Variants in GALNT11 observed in about 807,000 individuals in gnomAD.
GALNT11 encodes UDP-GalNAc:polypeptide N-acetylgalactosaminyltransferase 11.
In GALNT11, 47 loss-of-function variants were observed where a neutral mutation model predicts 72.7. That is an observed-to-expected ratio of 0.65 (90% CI 0.51 to 0.82). GALNT11 has a LOEUF of 0.82. Among genes scored for constraint, GALNT11 ranks in the 40% least tolerant of loss-of-function variants. GALNT11 has a pLI of 0.00. For missense variants in GALNT11, 677 were observed against 778.4 expected (o/e 0.87, Z 1.55); for synonymous variants, 270 against 286.6 (o/e 0.94, Z 0.58).
At chr7:152,091,963 G>C (rs1283190429) in intron 1 of GALNT11, among the ~76,000 whole-genome samples, 1 of 152,204 alleles carries the variant, frequency 6.6e-6, no homozygotes, top group African/African-American at 2.4e-5. Context: ...TTTTGTGAGG[G>C]CCAAGCAGCC....
intron 4 of GALNT11, 165 bp downstream of exon 4, chr7:152,103,443 T>G (rs2087180866): frequency 1.5e-6 from 1 of 649,260 alleles, no homozygotes; most frequent in Non-Finnish European, 2.4e-6. Context: ...CCATTATCTT[T>G]GTAACCTGCT....
intron 1 of GALNT11, among the ~76,000 whole-genome samples, chr7:152,083,717 GA>G (rs539263641): frequency 6.7e-6 from 1 of 150,270 alleles, no homozygotes; most frequent in Admixed American, 6.6e-5. Context: ...TCTAGCTCCA[GA>G]AAAAAAAACC....
intron 1 of GALNT11, among the ~76,000 whole-genome samples, chr7:152,041,488 ATAAGGAGTTAGAGTCCATGAAT>A (rs1361825590): frequency 4.6e-5 from 7 of 152,226 alleles, no homozygotes; most frequent in Non-Finnish European, 5.9e-5. Context: ...CTTGATCCAA[ATAAGGAGTTAGAGTCCATGAAT>A]TAGCATGTGG....
intron 1 of GALNT11, among the ~76,000 whole-genome samples, chr7:152,039,465 C>T (rs1025492311): frequency 8.6e-5 from 13 of 151,954 alleles, no homozygotes; most frequent in African/African-American, 3.1e-4. Context: ...CTGTGTCAGC[C>T]CTTGTTGAAG....
chr7:152,058,983 C>CATCTGTG (rs150780217), intron 1 of GALNT11, among the ~76,000 whole-genome samples: 7,348 of 152,224 alleles, frequency 0.048, 599 homozygotes, highest in African/African-American at 0.17. Flanking sequence ...ACCTGTCGGT[C>CATCTGTG]AAGGTTGGAA....
intron 1 of GALNT11, among the ~76,000 whole-genome samples, chr7:152,026,346 G>A (rs991413691): frequency 6.6e-6 from 1 of 152,354 alleles, no homozygotes; most frequent in African/African-American, 2.4e-5. Flanking sequence ...CAAGCTGGGA[G>A]CTGCGTCAGG....
chr7:152,111,039 A>G (rs2088132036), intron 7 of GALNT11, among the ~76,000 whole-genome samples: 1 of 152,200 alleles, frequency 6.6e-6, no homozygotes, highest in African/African-American at 2.4e-5. Context: ...CTACTTTGTC[A>G]GAATCTGTGA....
At position 152,051,353 on chromosome 7, in the gene GALNT11, T is replaced by G. The variant is rs190928386; in HGVS notation, c.-39+25469T>G. 1.3e-4 allele frequency among the ~76,000 whole-genome samples: 20 copies of G among 152,142 alleles called. No individual in the cohort carries two copies. The East Asian group carries it at 3.7e-3, about 28-fold the overall frequency. Reference sequence around the variant, plus strand: ...AATTGGGTTATTTGTCTTGTACAACTTCATATATTTTTAAAATGAATGCTG... The same window carrying G: ...AATTGGGTTATTTGTCTTGTACAACGTCATATATTTTTAAAATGAATGCTG... On this transcript the variant is annotated intron_variant, in intron 1 of 11. Transcript: ENST00000430044.
At chr7:152,107,149 G>A (rs2087652192) in intron 5 of GALNT11, 1 of 151,942 alleles carries the variant, frequency 6.6e-6, no homozygotes, top group South Asian at 2.1e-4. Context: ...TACATTTCAC[G>A]AGTGCACTTT....
chr7:152,028,486 T>G (rs2082147347), intron 1 of GALNT11, among the ~76,000 whole-genome samples: 1 of 152,174 alleles, frequency 6.6e-6, no homozygotes, highest in Non-Finnish European at 1.5e-5. Flanking sequence ...TTGGTGCATT[T>G]ACAATCCTTT....
At chr7:152,116,827 T>TG (rs2088907081) in intron 8 of GALNT11, 1 of 473,456 alleles carries the variant, frequency 2.1e-6, no homozygotes, top group Non-Finnish European at 4.1e-6. Context: ...GTGTTTGTAA[T>TG]GAGTATTTAA....
chr7:152,050,916 T>C (rs976798999), intron 1 of GALNT11, among the ~76,000 whole-genome samples: 1 of 152,132 alleles, frequency 6.6e-6, no homozygotes. Flanking sequence ...TGAGTTCCGA[T>C]GTGAAAGCCC....
rs1334916581 is a variant in GALNT11 at position 152,094,164 on chromosome 7, C to CT, written c.-38-25dup. ...GATGGTTTAAAGTATACTGAAGTGT[C>CT]TAACATATTTATTCTTCTTTTTTAG... is the stretch of plus-strand genomic sequence containing the variant. On this transcript the variant is annotated intron_variant, in intron 1 of 11. Coordinates refer to ENST00000430044, the MANE Select transcript of GALNT11 (RefSeq NM_022087.4). The surrounding 1 kb of genome is among the most constrained non-coding windows in gnomAD (Gnocchi z 4.3). 18 of 1,512,564 alleles carry CT rather than the reference C, an allele frequency of 1.2e-5. No homozygotes were observed. Among genetic ancestry groups the CT allele is most frequent in the Non-Finnish European group, 1.5e-5 (17 of 1,126,672 alleles). The allele number at this position is 1,512,564 out of a possible 1,614,324, so 93.7% of individuals were successfully genotyped here.
chr7:152,063,547 GTA>G (rs1169961517), intron 1 of GALNT11, among the ~76,000 whole-genome samples: 3 of 152,076 alleles, frequency 2.0e-5, no homozygotes, highest in Admixed American at 6.6e-5. Context: ...TCTTTTAATT[GTA>G]TGTTAGGGTG....
chr7:152,105,401 G>A (rs1182814524), intron 5 of GALNT11, 31 bp downstream of exon 5: 1 of 1,599,230 alleles, frequency 6.3e-7, no homozygotes, highest in African/African-American at 1.3e-5. Context: ...TGCTCTACAG[G>A]TGTTGGATGA....
intron 1 of GALNT11, among the ~76,000 whole-genome samples, chr7:152,042,615 G>C (rs2082920515): frequency 6.6e-6 from 1 of 152,136 alleles, no homozygotes; most frequent in South Asian, 2.1e-4. Flanking sequence ...ACTTGAAGCG[G>C]TTCCTTCAAA....
chr7:152,053,901 C>G (rs1443698441), intron 1 of GALNT11, among the ~76,000 whole-genome samples: 14 of 152,172 alleles, frequency 9.2e-5, no homozygotes, highest in Admixed American at 8.5e-4. Context: ...AACTACTATA[C>G]TTTGAATGTA....
intron 1 of GALNT11, among the ~76,000 whole-genome samples, chr7:152,088,121 TA>T (rs1186859394): frequency 3.3e-5 from 5 of 152,224 alleles, no homozygotes; most frequent in Non-Finnish European, 5.9e-5. Flanking sequence ...GTATTTTTAA[TA>T]AATACTCCAA....
chr7:152,077,861 T>C (rs1472073758), intron 1 of GALNT11, among the ~76,000 whole-genome samples: 1 of 152,022 alleles, frequency 6.6e-6, no homozygotes, highest in Non-Finnish European at 1.5e-5. Flanking sequence ...AGACAGACGC[T>C]AAAGCATATG....
Sources: gnomAD v4.1 joint callset for allele counts (sites outside exome capture counted in the v4.1 genomes callset) on GRCh38, gnomAD v4.1.1 for gene constraint, Gnocchi (gnomAD v3.1) non-coding constraint, MANE v1.5 for transcripts, NCBI Gene and HGNC (gene_info 2026-07-23, HGNC 2026-07-21) for gene names.